The following HSF1 variants were observed in gnomAD, a reference collection of about 807,000 sequenced individuals.
HSF1 encodes the protein heat shock factor protein 1.
Under a neutral mutation model 51.7 loss-of-function variants are expected in HSF1, and 32 were observed. The ratio of observed to expected loss-of-function variants is 0.62; its 90% CI spans 0.47 to 0.83. The LOEUF (loss-of-function observed/expected upper bound fraction) is 0.83, where lower values mean the gene tolerates loss of function less well. Ranked by LOEUF, HSF1 falls within the 40% of genes least tolerant of loss-of-function variation. The pLI is 0.00. For missense variants in HSF1, 727 were observed against 717.0 expected (o/e 1.01, Z -0.16); for synonymous variants, 396 against 309.7 (o/e 1.28, Z -2.92).
chr8:144,291,909 A>T lies in HSF1; in HGVS notation c.117+35A>T, dbSNP rs200800519. 8.0e-4 allele frequency: 1,002 copies of T among 1,252,994 alleles called. 8 individuals are homozygous for T. In the African/African-American group the frequency reaches 0.015, roughly 18 times the overall value. The allele number at this position is 1,252,994 out of a possible 1,614,324, so 77.6% of individuals were successfully genotyped here. On this transcript the variant is annotated intron_variant, in intron 1 of 12. Transcript: ENST00000528838. This position sits in a 1 kb window ranked among gnomAD's most constrained non-coding sequence, Gnocchi z 4.1. ...GCGCGCGGGCGCGGGGCCCGTGGGG[A>T]CCGGGAGGGAGCAGGGCCGCGGCGG...
intron 1 of HSF1, among the ~76,000 whole-genome samples, chr8:144,302,238 G>A (rs558408139): frequency 7.9e-5 from 12 of 151,926 alleles, no homozygotes; most frequent in Admixed American, 1.3e-4. Flanking sequence ...GCCGGGCGCC[G>A]TGGCTCACGC....
chr8:144,302,900 TG>T (rs1554842660), intron 1 of HSF1, among the ~76,000 whole-genome samples: 1 of 152,066 alleles, frequency 6.6e-6, no homozygotes, highest in Admixed American at 6.6e-5. Flanking sequence ...AATAAGCACT[TG>T]AACAGGTGCT....
rs1294519257 is a variant in HSF1, at chr8:144,300,391, G to A, written c.118-8515G>A. ...GCCACCTCGCCCGGCTAATTTTGTT[G>A]TATTTTTAGTAGAGATGGGGTTTCA... On this transcript the variant is annotated intron_variant, in intron 1 of 12. Transcript: ENST00000528838. Among the ~76,000 whole-genome samples the A allele has an allele frequency of 7.2e-5, 11 of 151,942 alleles. No individual in the cohort carries two copies. In the East Asian group the frequency reaches 1.9e-3, roughly 27 times the overall value.
Position 144,313,926 on chromosome 8 carries a change from G to C in HSF1, c.1314+15G>C, listed in dbSNP as rs1214936430. On this transcript the variant is annotated intron_variant, in intron 11 of 12. Transcript: ENST00000528838. ...GCCTGGCCAGTGTGCGTAGGCGGGCGGGGGGTGAGGGGGAACGAGACCAGC... is the reference window on the plus strand; with the variant it reads ...GCCTGGCCAGTGTGCGTAGGCGGGCCGGGGGTGAGGGGGAACGAGACCAGC... 1.9e-6 allele frequency: 3 copies of C among 1,609,280 alleles called. No individual in the cohort carries two copies. Among genetic ancestry groups the C allele is most frequent in the Non-Finnish European group, 2.5e-6 (3 of 1,178,858 alleles).
At chr8:144,301,432 A>C (rs1353183408) in intron 1 of HSF1, among the ~76,000 whole-genome samples, 1 of 151,982 alleles carries the variant, frequency 6.6e-6, no homozygotes, top group East Asian at 1.9e-4. Flanking sequence ...AATTATGGCC[A>C]AAATTTTTCC....
Position 144,291,628 on chromosome 8 carries a change from C to G in HSF1, c.-130C>G, listed in dbSNP as rs1479214879. ...CCGTTGCAAGATGGCGGCGGCCATGCTGGGCCCCGGGGCTGTGTGTGCGCA... is the reference window on the plus strand; with the variant it reads ...CCGTTGCAAGATGGCGGCGGCCATGGTGGGCCCCGGGGCTGTGTGTGCGCA... On this transcript the variant is annotated 5_prime_UTR_variant, in exon 1 of 13. Transcript: ENST00000528838. This position sits in a 1 kb window ranked among gnomAD's most constrained non-coding sequence, Gnocchi z 4.1. 7.2e-6 allele frequency: 3 copies of G among 413,936 alleles called. No homozygotes were observed. Among genetic ancestry groups the G allele is most frequent in the Non-Finnish European group, 1.2e-5 (3 of 260,668 alleles). The allele number at this position is 413,936 out of a possible 1,614,324, so 25.6% of individuals were successfully genotyped here. A position where few individuals can be genotyped will look rare whatever the true frequency, so the allele number is the denominator to read the frequency against.
chr8:144,308,215 G>A (rs113208339), intron 1 of HSF1, among the ~76,000 whole-genome samples: 6 of 152,130 alleles, frequency 3.9e-5, no homozygotes, highest in South Asian at 2.1e-4. Flanking sequence ...CTTCCCCGCC[G>A]TGTGGGCTTC....
At chr8:144,293,987 A>T (rs1374205963) in intron 1 of HSF1, among the ~76,000 whole-genome samples, 1 of 151,798 alleles carries the variant, frequency 6.6e-6, no homozygotes, top group East Asian at 1.9e-4. Flanking sequence ...GGCAGGTGTG[A>T]TGAGGCCCGT....
At chr8:144,309,656 C>CCA in intron 3 of HSF1, 65 bp downstream of exon 3, 1 of 1,599,584 alleles carries the variant, frequency 6.3e-7, no homozygotes, top group Non-Finnish European at 8.5e-7. Context: ...CCGCCCCTCC[C>CCA]TGAGGGCTCC....
At chr8:144,308,800 G>T in intron 1 of HSF1, 106 bp from the exon 2 acceptor site, 2 of 904,082 alleles carry the variant, frequency 2.2e-6, no homozygotes. Flanking sequence ...CCATCAGGTG[G>T]AACGTGCACT....
Position 144,299,908 on chromosome 8 carries a change from C to G in HSF1, c.117+8034C>G, listed in dbSNP as rs1815742293. ...TGGGTGACAGAGCGAGACCCCGTCT[C>G]AAAAAATAAGAAAACATGACTGAGA... On this transcript the variant is annotated intron_variant, in intron 1 of 12. Transcript: ENST00000528838. Among the ~76,000 whole-genome samples, 4 of 151,942 alleles carry G rather than the reference C, an allele frequency of 2.6e-5. No homozygotes were observed. The South Asian group carries it at 8.3e-4, about 32-fold the overall frequency.
intron 1 of HSF1, among the ~76,000 whole-genome samples, chr8:144,298,537 A>G (rs7010550): frequency 0.53 from 79,245 of 150,132 alleles, 21,271 homozygotes; most frequent in Admixed American, 0.65. Context: ...CCTGGGATAC[A>G]GAGGTTGCAG....
At position 144,297,529 on chromosome 8, in the gene HSF1, A is replaced by G. The variant is rs1554841495; in HGVS notation, c.117+5655A>G. Among the ~76,000 whole-genome samples the G allele has an allele frequency of 6.6e-6, 1 of 152,176 alleles. No individual in the cohort carries two copies. The highest frequency in any genetic ancestry group is 6.6e-5 in the Admixed American group (1 of 15,264). The stretch of plus-strand genomic sequence containing the variant: ...TGCGGGTGGCTCAGATGTGGACAGA[A>G]CCAGACCAGGGAACGGGGCCACAAA... On this transcript the variant is annotated intron_variant, in intron 1 of 12. Transcript: ENST00000528838. This position sits in a 1 kb window ranked among gnomAD's most constrained non-coding sequence, Gnocchi z 4.6.
chr8:144,309,258 G>C, intron 2 of HSF1, 197 bp from the exon 3 acceptor site: 1 of 714,982 alleles, frequency 1.4e-6, no homozygotes, highest in East Asian at 2.7e-5. Flanking sequence ...CACGTGTGTC[G>C]GGCGCAGGGA....
At position 144,313,610 on chromosome 8, in the gene HSF1, G is replaced by A; in HGVS notation, c.1242G>A (p.Leu414=). The change falls in exon 10 of 13, where the codon CTG becomes CTA. Residue 414 remains leucine (L), a synonymous_variant. Transcript: ENST00000528838. ...GCTTCAGCGTGGACACCAGTGCCCTGCTGGACGTGAGTGGAGCCCCGCCGC... is the reference window on the plus strand; with the variant it reads ...GCTTCAGCGTGGACACCAGTGCCCTACTGGACGTGAGTGGAGCCCCGCCGC... ...SHGFSVDTSA[L]LDLFSPSVTV... The A allele has an allele frequency of 6.3e-7, 1 of 1,594,296 alleles. No homozygotes were observed. The highest frequency in any genetic ancestry group is 8.5e-7 in the Non-Finnish European group (1 of 1,169,620).
Position 144,310,044 on chromosome 8 carries a change from AG to A in HSF1, c.488+149del. 3.1e-6 allele frequency: 3 copies of A among 969,210 alleles called. No individual in the cohort carries two copies. In the South Asian group the frequency reaches 5.3e-5, roughly 17 times the overall value. 60.0% of individuals were successfully genotyped at this position (969,210 alleles called of 1,614,324 possible). On this transcript the variant is annotated intron_variant, in intron 4 of 12. Transcript: ENST00000528838. Reference sequence around the variant, plus strand: ...CACATCTACCCTGGGCCTCTGCCCCAGCCCCGCCGCCCGTGGCTGCTGCAAC... The same window carrying A: ...CACATCTACCCTGGGCCTCTGCCCCACCCCGCCGCCCGTGGCTGCTGCAAC...
Sources: gnomAD v4.1 joint callset for allele counts (sites outside exome capture counted in the v4.1 genomes callset) on GRCh38, gnomAD v4.1.1 for gene constraint, Gnocchi (gnomAD v3.1) non-coding constraint, MANE v1.5 for transcripts, NCBI Gene and HGNC (gene_info 2026-07-23, HGNC 2026-07-21) for gene names.